The following HDAC9 variants were observed in gnomAD, a reference collection of about 807,000 sequenced individuals.
HDAC9 encodes the protein histone deacetylase 9.
Under a neutral mutation model 139.4 loss-of-function variants are expected in HDAC9, and 41 were observed. The observed-to-expected ratio is 0.29, with a 90% CI of 0.23 to 0.38. HDAC9 has a LOEUF of 0.38. Among genes scored for constraint, HDAC9 ranks in the 10% least tolerant of loss-of-function variants. The pLI, the probability that HDAC9 is intolerant of heterozygous loss-of-function variation, is 1.00. For missense variants in HDAC9, 1,147 were observed against 1,297.0 expected, an observed-to-expected ratio of 0.88 and a Z score of 1.78; for synonymous variants, 517 against 476.2, an observed-to-expected ratio of 1.09 and a Z score of -1.12.
chr7:18,738,016 GT>G (rs1176019591), intron 13 of HDAC9, among the ~76,000 whole-genome samples: 6 of 152,094 alleles, frequency 3.9e-5, no homozygotes, highest in African/African-American at 1.2e-4. Context: ...TTATGTAATG[GT>G]GTTCTTTGTC....
intron 1 of HDAC9, among the ~76,000 whole-genome samples, chr7:18,446,498 G>A (rs565150470): frequency 1.5e-4 from 23 of 152,022 alleles, no homozygotes; most frequent in Non-Finnish European, 2.6e-4. Flanking sequence ...CTCATATAAC[G>A]TATATTCAAA....
intron 1 of HDAC9, among the ~76,000 whole-genome samples, chr7:18,307,648 C>T (rs1368007519): frequency 6.6e-6 from 1 of 151,960 alleles, no homozygotes; most frequent in Admixed American, 6.6e-5. Context: ...ATTAAAAATA[C>T]AAAAATTAGC....
At chr7:18,718,311 A>G (rs1181957720) in intron 12 of HDAC9, among the ~76,000 whole-genome samples, 4 of 152,098 alleles carry the variant, frequency 2.6e-5, no homozygotes, top group Non-Finnish European at 5.9e-5. Flanking sequence ...GGCTCACTGC[A>G]ATCTCCGCCT....
At chr7:18,133,957 C>G (rs77238341) in intron 1 of HDAC9, among the ~76,000 whole-genome samples, 2 of 149,264 alleles carry the variant, frequency 1.3e-5, no homozygotes, top group Admixed American at 1.3e-4. Flanking sequence ...CACACACACA[C>G]ATCTCTAGCC....
At chr7:18,901,156 T>A (rs1320175238) in intron 22 of HDAC9, among the ~76,000 whole-genome samples, 3 of 150,556 alleles carry the variant, frequency 2.0e-5, no homozygotes, top group Non-Finnish European at 4.4e-5. Flanking sequence ...AAGGCTCCAA[T>A]ACTGCAACAG....
rs546053281 is a variant in HDAC9 at position 18,341,360 on chromosome 7, G to A, written c.-42+50845G>A. Among the ~76,000 whole-genome samples the A allele has an allele frequency of 7.9e-4, 119 of 151,450 alleles. 1 individual carries two copies. Among genetic ancestry groups the A allele is most frequent in the Non-Finnish European group, 1.5e-3 (103 of 67,706 alleles). The stretch of plus-strand genomic sequence containing the variant: ...TTCAAATTATCTTCTACTCTTTGGG[G>A]GCTTCAAATATATGTAACTTAAAAT... On this transcript the variant is annotated intron_variant, in intron 1 of 3. Coordinates refer to the HDAC9 transcript ENST00000413509.
intron 25 of HDAC9, among the ~76,000 whole-genome samples, chr7:18,977,263 T>C (rs1455799596): frequency 6.6e-6 from 1 of 152,144 alleles, no homozygotes; most frequent in South Asian, 2.1e-4. Context: ...TCCAAAGGTG[T>C]TGCAATTATT....
At chr7:18,109,252 TC>T (rs1226660335) in intron 1 of HDAC9, among the ~76,000 whole-genome samples, 4 of 152,180 alleles carry the variant, frequency 2.6e-5, no homozygotes, top group African/African-American at 4.8e-5. Flanking sequence ...AAGCATTTTT[TC>T]CCCCTTAACT....
chr7:18,090,600 G>T (rs528975899), intron 1 of HDAC9, among the ~76,000 whole-genome samples: 2 of 152,292 alleles, frequency 1.3e-5, no homozygotes, highest in East Asian at 3.9e-4. Flanking sequence ...AGGATCATCA[G>T]CCTCACTGGC....
intron 2 of HDAC9, among the ~76,000 whole-genome samples, chr7:18,231,502 C>A (rs1793459652): frequency 1.3e-5 from 2 of 152,042 alleles, no homozygotes; most frequent in South Asian, 4.1e-4. Context: ...TTCAAGAATC[C>A]CTTAAAGTGA....
At chr7:18,511,029 A>G (rs745312379) in intron 2 of HDAC9, among the ~76,000 whole-genome samples, 2 of 152,216 alleles carry the variant, frequency 1.3e-5, no homozygotes, top group African/African-American at 2.4e-5. Context: ...ATTTTACAGC[A>G]TAGGTGTTGA....
intron 1 of HDAC9, among the ~76,000 whole-genome samples, chr7:18,108,375 AT>A (rs1469591285): frequency 2.0e-5 from 3 of 152,142 alleles, no homozygotes; most frequent in Non-Finnish European, 4.4e-5. Context: ...AAAGCCCAGA[AT>A]TTAAGTTAGT....
intron 12 of HDAC9, among the ~76,000 whole-genome samples, chr7:18,708,330 G>C (rs540390894): frequency 2.0e-5 from 3 of 152,284 alleles, no homozygotes; most frequent in African/African-American, 7.2e-5. Context: ...AGATTGCCCA[G>C]CTGCCTTGAA....
At chr7:18,734,181 A>G (rs1457328593) in intron 13 of HDAC9, among the ~76,000 whole-genome samples, 1 of 152,114 alleles carries the variant, frequency 6.6e-6, no homozygotes, top group African/African-American at 2.4e-5. Flanking sequence ...ATTTCTCACA[A>G]TATATCAAAA....
chr7:18,525,714 C>T (rs1806632732), intron 2 of HDAC9, among the ~76,000 whole-genome samples: 1 of 152,126 alleles, frequency 6.6e-6, no homozygotes, highest in South Asian at 2.1e-4. Context: ...TGGGACCTCT[C>T]TTTGAGTATA....
intron 2 of HDAC9, among the ~76,000 whole-genome samples, chr7:18,174,462 A>G (rs1215072868): frequency 6.6e-6 from 1 of 152,216 alleles, no homozygotes; most frequent in Non-Finnish European, 1.5e-5. Flanking sequence ...CAGCTCATCA[A>G]AGTCATTCTC....
chr7:18,396,761 G>A (rs1001285709), intron 1 of HDAC9, among the ~76,000 whole-genome samples: 3 of 152,028 alleles, frequency 2.0e-5, no homozygotes, highest in African/African-American at 7.2e-5. Context: ...TAAATATTTG[G>A]AATTTTACAT....
At chr7:18,872,882 G>A (rs1799037979) in intron 21 of HDAC9, among the ~76,000 whole-genome samples, 1 of 152,094 alleles carries the variant, frequency 6.6e-6, no homozygotes, top group African/African-American at 2.4e-5. Flanking sequence ...TTACTACGAT[G>A]CTTATGATTG....
chr7:18,351,632 C>T (rs1183173934), intron 1 of HDAC9, among the ~76,000 whole-genome samples: 2 of 152,084 alleles, frequency 1.3e-5, no homozygotes, highest in South Asian at 2.1e-4. Flanking sequence ...CTATCATGTC[C>T]CAGCTCTGTG....
Sources: allele counts gnomAD v4.1 joint callset (sites outside exome capture counted in the v4.1 genomes callset), GRCh38; gene constraint gnomAD v4.1.1; transcripts MANE v1.5; gene names NCBI Gene and HGNC (gene_info 2026-07-23, HGNC 2026-07-21).